The following LOC122526780 variants were observed in gnomAD, a reference collection of about 807,000 sequenced individuals.
the LOC122526780 span, chr17:6,638,209 G>T: frequency 6.6e-6 from 1 of 151,730 alleles, no homozygotes; most frequent in African/African-American, 2.4e-5. Context: ...CTGAGCCACG[G>T]GTCCCCCTGA....
chr17:6,637,561 T>C, the LOC122526780 span: 2 of 152,692 alleles, frequency 1.3e-5, no homozygotes, highest in African/African-American at 2.4e-5. Context: ...GCCAGAGACA[T>C]GCTCAAAGAT....
the LOC122526780 span, chr17:6,637,636 C>T: frequency 6.5e-6 from 1 of 152,716 alleles, no homozygotes; most frequent in African/African-American, 2.4e-5. Flanking sequence ...CTGTCTGCCT[C>T]CCAACAAACC....
the LOC122526780 span, chr17:6,640,018 G>A: frequency 6.5e-6 from 1 of 152,798 alleles, no homozygotes; most frequent in African/African-American, 2.4e-5. Flanking sequence ...GGTCCCAGGA[G>A]CTCCCAAAGC....
the LOC122526780 span, chr17:6,637,442 C>T: frequency 6.6e-6 from 1 of 152,438 alleles, no homozygotes. Flanking sequence ...TCCCCAGAGC[C>T]CGTATCCCCT....
chr17:6,640,030 T>A, the LOC122526780 span: 1 of 152,746 alleles, frequency 6.5e-6, no homozygotes, highest in Non-Finnish European at 1.5e-5. Context: ...TCCCAAAGCC[T>A]CATTCGCCCC....
the LOC122526780 span, chr17:6,637,768 C>G: frequency 6.6e-6 from 1 of 152,424 alleles, no homozygotes; most frequent in African/African-American, 2.4e-5. Context: ...TCTTTCACCC[C>G]ACAATTCTGA....
chr17:6,638,981 A>G, the LOC122526780 span: 1,189 of 152,944 alleles, frequency 7.8e-3, 15 homozygotes, highest in African/African-American at 0.026. Flanking sequence ...TCACCCCCAG[A>G]GCCTGTCTCC....
At chr17:6,637,228 C>T in the LOC122526780 span, 665 of 152,748 alleles carry the variant, frequency 4.4e-3, 6 homozygotes, top group South Asian at 0.024. Context: ...AGCAGGCGCA[C>T]GCCCTGCCAT....
the LOC122526780 span, chr17:6,638,830 C>T: frequency 2.0e-5 from 3 of 152,716 alleles, no homozygotes; most frequent in Admixed American, 6.5e-5. Context: ...GACACTCACA[C>T]AGCCCGTGTC....
the LOC122526780 span, chr17:6,636,891 T>C: frequency 6.6e-6 from 1 of 152,216 alleles, no homozygotes; most frequent in Non-Finnish European, 1.5e-5. Context: ...CACTTGGCTG[T>C]AGGTGGTCTC....
the LOC122526780 span, chr17:6,639,757 C>T: frequency 2.0e-5 from 3 of 152,816 alleles, no homozygotes; most frequent in Non-Finnish European, 2.9e-5. The surrounding 1 kb of genome is among the most constrained non-coding windows in gnomAD (Gnocchi z 4.3). Flanking sequence ...GAGCTCGACT[C>T]TACTTCCTTC....
the LOC122526780 span, chr17:6,639,206 C>G: frequency 2.0e-5 from 3 of 152,990 alleles, no homozygotes; most frequent in Admixed American, 6.5e-5. The surrounding 1 kb of genome is among the most constrained non-coding windows in gnomAD (Gnocchi z 4.3). Flanking sequence ...ACCCCCACAG[C>G]CTGTCCCCTC....
the LOC122526780 span, chr17:6,637,990 T>G: frequency 6.6e-6 from 1 of 152,494 alleles, no homozygotes; most frequent in Non-Finnish European, 1.5e-5. Context: ...CCTCTGTCTC[T>G]GTCCCCAGGG....
the LOC122526780 span, chr17:6,638,796 C>A: frequency 6.5e-6 from 1 of 152,986 alleles, no homozygotes; most frequent in African/African-American, 2.4e-5. Flanking sequence ...CCCTTACCAT[C>A]TGTCCCGCTC....
At chr17:6,637,553 C>G in the LOC122526780 span, 1 of 153,066 alleles carries the variant, frequency 6.5e-6, no homozygotes, top group Non-Finnish European at 1.5e-5. Flanking sequence ...CCAGACAGGC[C>G]AGAGACATGC....
chr17:6,639,734 C>G, the LOC122526780 span: 1 of 153,024 alleles, frequency 6.5e-6, no homozygotes, highest in Non-Finnish European at 1.5e-5. This position sits in a 1 kb window ranked among gnomAD's most constrained non-coding sequence, Gnocchi z 4.3. Context: ...CCCTCTCCTG[C>G]AGGCACGGGA....
chr17:6,638,156 C>G, the LOC122526780 span: 1 of 152,992 alleles, frequency 6.5e-6, no homozygotes, highest in African/African-American at 2.4e-5. Context: ...GCCACGTGTC[C>G]CCCTGAAGCC....
chr17:6,638,662 C>G, the LOC122526780 span: 1 of 152,946 alleles, frequency 6.5e-6, no homozygotes, highest in Non-Finnish European at 1.5e-5. Flanking sequence ...GGTCTCCTCT[C>G]CAAGCCCAGG....
chr17:6,637,650 G>T, the LOC122526780 span: 1 of 151,998 alleles, frequency 6.6e-6, no homozygotes, highest in Non-Finnish European at 1.5e-5. Flanking sequence ...ACAAACCTGA[G>T]ACACCCCCAG....
Sources: gnomAD v4.1 joint callset for allele counts on GRCh38, gnomAD v4.1.1 for gene constraint, Gnocchi (gnomAD v3.1) non-coding constraint, MANE v1.5 for transcripts.